SLC13A3: variants seen among roughly 807,000 people sequenced by gnomAD.
SLC13A3 encodes Na(+)/dicarboxylate cotransporter 3.
SLC13A3 carries 40 observed loss-of-function variants against 59.0 expected under a neutral mutation model. The observed-to-expected ratio is 0.68, with a 90% CI of 0.53 to 0.88. SLC13A3 has a LOEUF of 0.88. Ranked by LOEUF, SLC13A3 falls within the 40% of genes least tolerant of loss-of-function variation. The pLI, the probability that SLC13A3 is intolerant of heterozygous loss-of-function variation, is 0.00. For missense variants in SLC13A3, 699 were observed against 783.2 expected (o/e 0.89, Z 1.28); for synonymous variants, 317 against 330.3 (o/e 0.96, Z 0.44).
intron 1 of SLC13A3, among the ~76,000 whole-genome samples, chr20:46,638,423 C>T (rs561702231): frequency 8.5e-5 from 13 of 152,324 alleles, no homozygotes; most frequent in Non-Finnish European, 2.9e-5. Context: ...AGGAGAGAAG[C>T]GGGGCCGTGG....
intron 3 of SLC13A3, chr20:46,609,101 A>T (rs957631570): frequency 6.5e-7 from 1 of 1,540,944 alleles, no homozygotes; most frequent in Non-Finnish European, 8.8e-7. Context: ...TAAACTAGCC[A>T]TTTCTGCCCA....
chr20:46,568,221 C>T (rs371406381), intron 10 of SLC13A3, among the ~76,000 whole-genome samples: 1 of 151,124 alleles, frequency 6.6e-6, no homozygotes, highest in Admixed American at 6.6e-5. Flanking sequence ...TGGTGAAACC[C>T]CATCTCTACT....
chr20:46,605,238 C>T (rs551742902), intron 3 of SLC13A3, among the ~76,000 whole-genome samples: 19 of 152,250 alleles, frequency 1.2e-4, no homozygotes, highest in South Asian at 2.1e-4. Flanking sequence ...AAGTTAATAT[C>T]AGGCATTATT....
chr20:46,679,968 A>C (rs1197799893), intron 1 of SLC13A3, among the ~76,000 whole-genome samples: 1 of 151,686 alleles, frequency 6.6e-6, no homozygotes, highest in East Asian at 1.9e-4. Flanking sequence ...AATTTCTACC[A>C]TTTACAGGCT....
chr20:46,662,361 C>A (rs990354974), intron 1 of SLC13A3, among the ~76,000 whole-genome samples: 1 of 152,168 alleles, frequency 6.6e-6, no homozygotes, highest in East Asian at 1.9e-4. Flanking sequence ...AAACATGTTT[C>A]TAATAATGCC....
chr20:46,563,687 A>G, intron 11 of SLC13A3, 136 bp from the exon 12 acceptor site: 1 of 906,956 alleles, frequency 1.1e-6, no homozygotes, highest in Non-Finnish European at 1.6e-6. Flanking sequence ...AGACATCCAT[A>G]GAGATTGGCA....
At chr20:46,600,964 A>C (rs1448014123) in intron 3 of SLC13A3, among the ~76,000 whole-genome samples, 1 of 152,206 alleles carries the variant, frequency 6.6e-6, no homozygotes, top group Non-Finnish European at 1.5e-5. Context: ...CTCAAGGATA[A>C]AATGGAATCC....
intron 1 of SLC13A3, among the ~76,000 whole-genome samples, chr20:46,683,584 T>C (rs2063164116): frequency 6.6e-6 from 1 of 152,198 alleles, no homozygotes; most frequent in African/African-American, 2.4e-5. Context: ...AGCTCATCTA[T>C]AAAACTCCCT....
At chr20:46,612,766 CTATTT>C (rs1348285592) in intron 2 of SLC13A3, among the ~76,000 whole-genome samples, 1 of 152,066 alleles carries the variant, frequency 6.6e-6, no homozygotes, top group Non-Finnish European at 1.5e-5. Context: ...AATAAAACCC[CTATTT>C]TAAAGGCCAC....
At chr20:46,613,753 G>A in intron 1 of SLC13A3, 28 bp from the exon 2 acceptor site, 1 of 1,566,912 alleles carries the variant, frequency 6.4e-7, no homozygotes, top group Non-Finnish European at 8.7e-7. Context: ...TGCTCAGAGG[G>A]TCAGCGGGGC....
At chr20:46,674,308 C>G (rs2063109493), upstream of SLC13A3, among the ~76,000 whole-genome samples, 1 of 152,144 alleles carries the variant, frequency 6.6e-6, no homozygotes, top group African/African-American at 2.4e-5. Flanking sequence ...CCCCTTCTTT[C>G]CCCTGGAGGG....
intron 1 of SLC13A3, among the ~76,000 whole-genome samples, chr20:46,638,229 A>G (rs1029045558): frequency 1.3e-5 from 2 of 152,200 alleles, no homozygotes; most frequent in African/African-American, 4.8e-5. Flanking sequence ...CACCATGAGA[A>G]GTTTTGCTGA....
rs775664272 is a variant in SLC13A3, at chr20:46,560,206, A to G, written c.1633-8T>C. On this transcript the variant is annotated splice_polypyrimidine_tract_variant and splice_region_variant and intron_variant, in intron 12 of 12. Coordinates refer to ENST00000279027, the MANE Select transcript of SLC13A3 (RefSeq NM_022829.6). The stretch of plus-strand genomic sequence containing the variant: ...CAGGAGGCCTGTCCGCACCTGAAAT[A>G]GAGCCCAGACAGAGGGAGGGGTCAG... 1.9e-6 allele frequency: 3 copies of G among 1,613,908 alleles called. No homozygotes were observed. Among genetic ancestry groups the G allele is most frequent in the Non-Finnish European group, 2.5e-6 (3 of 1,179,964 alleles).
At chr20:46,665,670 A>G (rs1306207454) in intron 1 of SLC13A3, among the ~76,000 whole-genome samples, 1 of 152,196 alleles carries the variant, frequency 6.6e-6, no homozygotes, top group Non-Finnish European at 1.5e-5. Context: ...GGACCGTTTG[A>G]ACTTTCTGGC....
chr20:46,560,623 T>C (rs707504), intron 12 of SLC13A3, among the ~76,000 whole-genome samples: 90,232 of 151,778 alleles, frequency 0.59, 27,162 homozygotes, highest in Non-Finnish European at 0.64. Context: ...CCCACACACA[T>C]ATACACACAC....
At position 46,651,455 on chromosome 20, in the gene SLC13A3, G is replaced by A; in HGVS notation, c.-34C>T. On this transcript the variant is annotated 5_prime_UTR_variant, in exon 1 of 13. Transcript: ENST00000279027. ...TCGCCTGGCGGTACGGGCCGGCCCG[G>A]GACTGCCCCGCCTGGCCCCGGCGCC... The A allele has an allele frequency of 1.4e-6, 2 of 1,401,284 alleles. No homozygotes were observed. The highest frequency in any genetic ancestry group is 9.2e-7 in the Non-Finnish European group (1 of 1,088,298). 86.8% of individuals were successfully genotyped at this position (1,401,284 alleles called of 1,614,324 possible). A position where few individuals can be genotyped will look rare whatever the true frequency, so the allele number is the denominator to read the frequency against.
At chr20:46,671,431 C>G (rs1600632973), upstream of SLC13A3, among the ~76,000 whole-genome samples, 1 of 152,088 alleles carries the variant, frequency 6.6e-6, no homozygotes, top group Non-Finnish European at 1.5e-5. Context: ...TTCCTGCACA[C>G]TCGTCTCCAA....
chr20:46,613,973 G>A (rs966153878), intron 1 of SLC13A3: 1 of 445,856 alleles, frequency 2.2e-6, no homozygotes, highest in Admixed American at 4.1e-5. Context: ...AAATGAGGAA[G>A]CTATTTTGGT....
upstream of SLC13A3, among the ~76,000 whole-genome samples, chr20:46,655,608 T>C (rs1431456969): frequency 6.8e-6 from 1 of 147,732 alleles, no homozygotes; most frequent in East Asian, 1.9e-4. Context: ...ATCATGTTTA[T>C]CCATTCATTT....
Sources: gnomAD v4.1 joint callset for allele counts (sites outside exome capture counted in the v4.1 genomes callset) on GRCh38, gnomAD v4.1.1 for gene constraint, MANE v1.5 for transcripts, NCBI Gene and HGNC (gene_info 2026-07-23, HGNC 2026-07-21) for gene names.